The following ZFHX4 variants were observed in gnomAD, a reference collection of about 807,000 sequenced individuals.
ZFHX4 encodes zinc finger homeobox 4.
A neutral mutation model predicts 267.6 loss-of-function variants in ZFHX4; 56 were observed. That is an observed-to-expected ratio of 0.21 (90% CI 0.17 to 0.26). ZFHX4 has a LOEUF of 0.26. Ranked by LOEUF, ZFHX4 falls within the 10% of genes least tolerant of loss-of-function variation. The probability of loss-of-function intolerance (pLI) is 1.00; values close to 1 mark genes in which losing one functional copy is unlikely to be tolerated. For synonymous variants in ZFHX4, 1,778 were observed against 1,665.6 expected (o/e 1.07, Z -1.64); for missense variants, 4,332 against 4,420.0 (o/e 0.98, Z 0.56).
intron 1 of ZFHX4, among the ~76,000 whole-genome samples, chr8:76,687,983 C>G (rs558939474): frequency 3.9e-5 from 6 of 152,196 alleles, no homozygotes; most frequent in African/African-American, 1.2e-4. Context: ...TATGTTTGTC[C>G]AAGACTTGAG....
At chr8:76,841,048 C>T (rs1038799688) in intron 5 of ZFHX4, among the ~76,000 whole-genome samples, 7 of 152,190 alleles carry the variant, frequency 4.6e-5, no homozygotes, top group Admixed American at 2.6e-4. Context: ...CCCTCAAACC[C>T]TCAGATGATT....
At chr8:76,810,669 T>G (rs1811354806) in intron 4 of ZFHX4, among the ~76,000 whole-genome samples, 1 of 152,178 alleles carries the variant, frequency 6.6e-6, no homozygotes, top group Admixed American at 6.5e-5. Flanking sequence ...TGGCAGATGT[T>G]AATAATCAGC....
At chr8:76,695,272 TAGGTTTG>T (rs1432984551) in intron 1 of ZFHX4, among the ~76,000 whole-genome samples, 1 of 152,156 alleles carries the variant, frequency 6.6e-6, no homozygotes, top group Admixed American at 6.5e-5. Context: ...ACTGAAGTCA[TAGGTTTG>T]AATGGTGTCA....
intron 3 of ZFHX4, among the ~76,000 whole-genome samples, chr8:76,775,321 T>C: frequency 6.6e-6 from 1 of 152,100 alleles, no homozygotes; most frequent in East Asian, 1.9e-4. Context: ...CTTAATCAAG[T>C]CCCACTTGGA....
chr8:76,716,161 G>A (rs539107287), intron 3 of ZFHX4, among the ~76,000 whole-genome samples: 2 of 152,110 alleles, frequency 1.3e-5, no homozygotes, highest in East Asian at 3.9e-4. Context: ...ATGTCCTTTT[G>A]CAAGAAGGCC....
At chr8:76,825,010 T>A (rs999287059) in intron 4 of ZFHX4, among the ~76,000 whole-genome samples, 2 of 152,224 alleles carry the variant, frequency 1.3e-5, no homozygotes, top group African/African-American at 4.8e-5. Context: ...ATGTTTAGTC[T>A]TGTTAACATT....
rs578126876 is a variant in ZFHX4 at position 76,722,101 on chromosome 8, A to G, written c.3093+14053A>G. ...TTACTAATGTTTCTTGAAGTTTTCA[A>G]TTTCTGGAGATCTTCATGTGGCTGA... On this transcript the variant is annotated intron_variant, in intron 3 of 10. Transcript: ENST00000651372. Among the ~76,000 whole-genome samples the G allele has an allele frequency of 4.6e-5, 7 of 152,126 alleles. No individual in the cohort carries two copies. The East Asian group carries it at 1.2e-3, about 25-fold the overall frequency.
intron 4 of ZFHX4, among the ~76,000 whole-genome samples, chr8:76,821,325 C>A (rs1488485690): frequency 6.6e-6 from 1 of 152,150 alleles, no homozygotes; most frequent in Non-Finnish European, 1.5e-5. Context: ...ATTTTCCACA[C>A]TTGACATCTC....
At chr8:76,788,490 A>G (rs566036080) in intron 4 of ZFHX4, among the ~76,000 whole-genome samples, 1 of 152,218 alleles carries the variant, frequency 6.6e-6, no homozygotes, top group South Asian at 2.1e-4. Context: ...CCAGATTTCA[A>G]TTTTTTAAAA....
intron 3 of ZFHX4, among the ~76,000 whole-genome samples, chr8:76,752,346 A>C (rs79392815): frequency 6.6e-6 from 1 of 151,710 alleles, no homozygotes; most frequent in African/African-American, 2.4e-5. Context: ...TAAAAAAAAA[A>C]CAACACACAT....
At chr8:76,707,026 T>A (rs1808294367) in intron 2 of ZFHX4, among the ~76,000 whole-genome samples, 1 of 152,210 alleles carries the variant, frequency 6.6e-6, no homozygotes, top group African/African-American at 2.4e-5. Context: ...CGCTAACATA[T>A]CAAACGAGCT....
At chr8:76,703,909 A>G (rs934919764) in intron 1 of ZFHX4, 134 bp from the exon 2 acceptor site, 6 of 645,094 alleles carry the variant, frequency 9.3e-6, no homozygotes, top group African/African-American at 9.1e-5. Flanking sequence ...ATAGATAGGC[A>G]CGCCGGTTTT....
intron 4 of ZFHX4, among the ~76,000 whole-genome samples, chr8:76,824,834 G>T (rs1811743181): frequency 6.6e-6 from 1 of 152,086 alleles, no homozygotes; most frequent in Non-Finnish European, 1.5e-5. Context: ...GCCTCCCAAA[G>T]TGCTGGGATT....
intron 3 of ZFHX4, among the ~76,000 whole-genome samples, chr8:76,776,786 T>C (rs773074199): frequency 2.0e-5 from 3 of 152,160 alleles, no homozygotes; most frequent in Non-Finnish European, 4.4e-5. Context: ...ATCACTTCAT[T>C]TGATTTTTTA....
At position 76,681,326 on chromosome 8, in the gene ZFHX4, CAT is replaced by C. The variant is rs1807522695; in HGVS notation, c.-338_-337del. 1 of 398,858 alleles carries C rather than the reference CAT, an allele frequency of 2.5e-6. No homozygotes were observed. The highest frequency in any genetic ancestry group is 4.4e-6 in the Non-Finnish European group (1 of 226,022). 24.7% of individuals were successfully genotyped at this position (398,858 alleles called of 1,614,324 possible). On this transcript the variant is annotated 5_prime_UTR_variant, in exon 1 of 11. Coordinates refer to ENST00000651372, the MANE Select transcript of ZFHX4 (RefSeq NM_024721.5). ...ACGATAATAATTAGCAGAATAAAGA[CAT>C]ATCGGATTTTCATTTCCTTTCCTCC...
At chr8:76,781,199 T>C (rs1810537070) in intron 4 of ZFHX4, among the ~76,000 whole-genome samples, 1 of 152,136 alleles carries the variant, frequency 6.6e-6, no homozygotes, top group Admixed American at 6.5e-5. Context: ...TTTGTTGTTT[T>C]ATTTTCTTCT....
Position 76,853,657 on chromosome 8 carries a change from G to C in ZFHX4, c.6736G>C (p.Asp2246His), listed in dbSNP as rs1292219633. The C allele has an allele frequency of 6.2e-7, 1 of 1,613,370 alleles. No individual in the cohort carries two copies. Among genetic ancestry groups the C allele is most frequent in the African/African-American group, 1.3e-5 (1 of 74,836 alleles). The change falls in exon 10 of 11, where the codon GAC (aspartate) becomes CAC (histidine). Residue 2246 changes from aspartate (D) to histidine (H), a missense_variant. Transcript: ENST00000651372. Reference sequence around the variant, plus strand: ...GCTTAGGGTTCTGCAAGACTTTTTTGACACAAACGCTTACCCAAAAGATGA... The same window carrying C: ...GCTTAGGGTTCTGCAAGACTTTTTTCACACAAACGCTTACCCAAAAGATGA... Reference protein sequence around the residue: ...YQLRVLQDFFDTNAYPKDDEI... With the variant: ...YQLRVLQDFFHTNAYPKDDEI...
intron 4 of ZFHX4, chr8:76,782,100 ATTT>A (rs77420241): frequency 0.061 from 14,408 of 234,768 alleles, 135 homozygotes; most frequent in East Asian, 0.1. Context: ...TCAGTTAAGA[ATTT>A]TTTTTTTTTT....
chr8:76,830,176 G>T (rs115997366), intron 4 of ZFHX4, among the ~76,000 whole-genome samples: 1 of 152,120 alleles, frequency 6.6e-6, no homozygotes, highest in Non-Finnish European at 1.5e-5. Flanking sequence ...TGTTGATGGC[G>T]ATTGGGATGA....
Sources: gnomAD v4.1 joint callset for allele counts (sites outside exome capture counted in the v4.1 genomes callset) on GRCh38, gnomAD v4.1.1 for gene constraint, MANE v1.5 for transcripts, NCBI Gene and HGNC (gene_info 2026-07-23, HGNC 2026-07-21) for gene names.